The following SVEP1 variants were observed in gnomAD, a reference collection of about 807,000 sequenced individuals.
SVEP1 encodes sushi, von Willebrand factor type A, EGF and pentraxin domain containing 1, also known as sushi, von Willebrand factor type A, EGF and pentraxin domain-containing protein 1.
Under a neutral mutation model 367.3 loss-of-function variants are expected in SVEP1, and 164 were observed. The observed-to-expected ratio is 0.45, with a 90% confidence interval of 0.39 to 0.51. The LOEUF is 0.51. Among genes scored for constraint, SVEP1 ranks in the 20% least tolerant of loss-of-function variants. The pLI, the probability that SVEP1 is intolerant of heterozygous loss-of-function variation, is 0.00. For missense variants in SVEP1, 4,117 were observed against 4,425.3 expected (o/e 0.93, Z 1.98); for synonymous variants, 1,666 against 1,611.6 (o/e 1.03, Z -0.81).
At chr9:110,538,096 T>C (rs1364015087) in intron 3 of SVEP1, among the ~76,000 whole-genome samples, 1 of 151,970 alleles carries the variant, frequency 6.6e-6, no homozygotes, top group Non-Finnish European at 1.5e-5. Context: ...ACACTGACTT[T>C]GGGGGTTTGT....
chr9:110,528,154 GTGTATATATATATATATATATA>G (rs1829967768), intron 3 of SVEP1, among the ~76,000 whole-genome samples: 3 of 25,720 alleles, frequency 1.2e-4, no homozygotes, highest in Middle Eastern at 0.028. Context: ...GTGTGTGTGT[GTGTATATATATATATATATATA>G]TATATATATA....
In SVEP1 at chr9:110,406,659, G is replaced by C. The variant is rs1827959287; in HGVS notation, c.8941C>G (p.Leu2981Val). 6.2e-7 allele frequency: 1 copy of C among 1,613,996 alleles called. No homozygotes were observed. The highest frequency in any genetic ancestry group is 1.6e-4 in the Middle Eastern group (1 of 6,062). The change falls in exon 38 of 48, where the codon CTC (leucine) becomes GTC (valine). Residue 2981 changes from leucine (L) to valine (V), a missense_variant. Leu to Val is a conservative substitution (Grantham distance 32). This residue lies in a region of SVEP1 where 1,765 missense variants were observed against 1,781.1 expected (regional missense o/e 0.99). Transcript: ENST00000374469. ...CACCTTCTTGATGAATTTCCATGGA[G>C]CTTATAACCAGGAAAGCACTGATAC... ...IQYQCFPGYKLHGNSSRRCLS... is the reference protein window; with the variant it reads ...IQYQCFPGYKVHGNSSRRCLS...
In SVEP1 at chr9:110,400,850, T is replaced by C. The variant is rs1329189039; in HGVS notation, c.9822+4A>G. ...ATTTCTAGTTAAACAATTTGTTCGC[T>C]TACCTCTAGTTCATAGCCAGGCTCA... On this transcript the variant is annotated splice_donor_region_variant and intron_variant, in intron 40 of 47. Coordinates refer to ENST00000374469, the MANE Select transcript of SVEP1 (RefSeq NM_153366.4). 1 of 1,602,462 alleles carries C rather than the reference T, an allele frequency of 6.2e-7. No homozygotes were observed. Among genetic ancestry groups the C allele is most frequent in the South Asian group, 1.1e-5 (1 of 89,148 alleles).
intron 10 of SVEP1, among the ~76,000 whole-genome samples, chr9:110,483,297 A>G (rs1316153581): frequency 6.6e-6 from 1 of 152,198 alleles, no homozygotes; most frequent in Non-Finnish European, 1.5e-5. Context: ...CTAGAGCAAC[A>G]TAAGCTTGGA....
At chr9:110,485,594 T>C (rs1190506802) in intron 9 of SVEP1, among the ~76,000 whole-genome samples, 2 of 152,302 alleles carry the variant, frequency 1.3e-5, no homozygotes, top group East Asian at 3.9e-4. Flanking sequence ...AAAATTAAAT[T>C]AAATTAAAAA....
chr9:110,391,422 C>T (rs1057391663), intron 40 of SVEP1, among the ~76,000 whole-genome samples: 2 of 151,972 alleles, frequency 1.3e-5, no homozygotes, highest in Non-Finnish European at 2.9e-5. Flanking sequence ...AGGTGCCTGC[C>T]ACCACACCCC....
intron 40 of SVEP1, among the ~76,000 whole-genome samples, chr9:110,394,727 C>G (rs538970819): frequency 1.3e-5 from 2 of 152,080 alleles, no homozygotes; most frequent in Non-Finnish European, 2.9e-5. Context: ...ATAGCTGATG[C>G]AATCAACTGG....
At chr9:110,457,217 T>A in intron 21 of SVEP1, 39 bp downstream of exon 21, 2 of 1,459,352 alleles carry the variant, frequency 1.4e-6, no homozygotes, top group Non-Finnish European at 1.9e-6. Context: ...TGATTTCATA[T>A]AAAATATATT....
chr9:110,467,737 G>A (rs1389159292), intron 17 of SVEP1, among the ~76,000 whole-genome samples: 1 of 151,428 alleles, frequency 6.6e-6, no homozygotes, highest in African/African-American at 2.4e-5. Context: ...CCGGGCTCAA[G>A]CAATCCTCCC....
At chr9:110,422,793 A>G (rs1454716051) in intron 36 of SVEP1, among the ~76,000 whole-genome samples, 4 of 101,730 alleles carry the variant, frequency 3.9e-5, no homozygotes, top group African/African-American at 1.7e-4. Flanking sequence ...TGCAGCCATA[A>G]AAAATGATGA....
chr9:110,566,244 C>T (rs986797773), intron 1 of SVEP1, among the ~76,000 whole-genome samples: 36 of 151,612 alleles, frequency 2.4e-4, no homozygotes, highest in African/African-American at 8.5e-4. Flanking sequence ...ATCACTTGAA[C>T]CTGGGAAGTT....
At chr9:110,555,814 C>T (rs770914908) in intron 1 of SVEP1, among the ~76,000 whole-genome samples, 1 of 152,134 alleles carries the variant, frequency 6.6e-6, no homozygotes, top group Non-Finnish European at 1.5e-5. Context: ...TAATTTACCC[C>T]TCGCCCCAAT....
At chr9:110,557,669 T>C (rs16915129) in intron 1 of SVEP1, among the ~76,000 whole-genome samples, 16,140 of 152,230 alleles carry the variant, frequency 0.11, 1,039 homozygotes, top group East Asian at 0.31. Context: ...TATTCAGTCA[T>C]AGTGTTTCCA....
chr9:110,545,355 A>G (rs1042342848), intron 3 of SVEP1, among the ~76,000 whole-genome samples: 1 of 152,188 alleles, frequency 6.6e-6, no homozygotes, highest in Non-Finnish European at 1.5e-5. Flanking sequence ...TGTTTTCCAT[A>G]ATGGCTATGC....
intron 27 of SVEP1, among the ~76,000 whole-genome samples, chr9:110,441,592 CTGTA>C (rs1355145367): frequency 6.6e-6 from 1 of 152,194 alleles, no homozygotes. Flanking sequence ...AGGGATCTGT[CTGTA>C]TGTTTCATTC....
chr9:110,536,385 T>G (rs1830079877), intron 3 of SVEP1, among the ~76,000 whole-genome samples: 1 of 151,984 alleles, frequency 6.6e-6, no homozygotes, highest in African/African-American at 2.4e-5. Flanking sequence ...TGTTTCCTCT[T>G]CTGCAAATGA....
At chr9:110,510,624 T>C (rs1829694698) in intron 5 of SVEP1, among the ~76,000 whole-genome samples, 1 of 152,098 alleles carries the variant, frequency 6.6e-6, no homozygotes, top group South Asian at 2.1e-4. Context: ...AGCTTTAGGA[T>C]CAGACGCGAG....
In SVEP1 at chr9:110,454,701, A is replaced by G. The variant is rs1021508411; in HGVS notation, c.3787+889T>C. Among the ~76,000 whole-genome samples, 16 of 152,358 alleles carry G rather than the reference A, an allele frequency of 1.1e-4. No individual in the cohort carries two copies. In the East Asian group the frequency reaches 3.1e-3, roughly 29 times the overall value. ...CAGGCCATTATTCTAAGTGAATTAA[A>G]GCAGGAACAGAAAGCCAAATACTGC... On this transcript the variant is annotated intron_variant, in intron 22 of 47. Transcript: ENST00000374469.
At chr9:110,562,019 T>C (rs1216649364) in intron 1 of SVEP1, among the ~76,000 whole-genome samples, 1 of 152,118 alleles carries the variant, frequency 6.6e-6, no homozygotes, top group Non-Finnish European at 1.5e-5. Context: ...CACATACATA[T>C]TTTAGTTATT....
Sources: gnomAD v4.1 joint callset for allele counts (sites outside exome capture counted in the v4.1 genomes callset) on GRCh38, gnomAD v4.1.1 for gene constraint, gnomAD v4.1.1 regional missense constraint, MANE v1.5 for transcripts, NCBI Gene and HGNC (gene_info 2026-07-23, HGNC 2026-07-21) for gene names.